Variants in MSH3 observed in about 807,000 individuals in gnomAD.
MSH3 encodes the protein mutS homolog 3.
A neutral mutation model predicts 123.3 loss-of-function variants in MSH3; 106 were observed. That is an observed-to-expected ratio of 0.86 (90% confidence interval 0.73 to 1.01). MSH3 has a LOEUF of 1.01. Ranked by LOEUF, MSH3 falls within the 50% of genes least tolerant of loss-of-function variation. The pLI is 0.00. For missense variants in MSH3, 1,459 were observed against 1,347.6 expected, an observed-to-expected ratio of 1.08 and a Z score of -1.29; for synonymous variants, 515 against 481.4, an observed-to-expected ratio of 1.07 and a Z score of -0.91.
At chr5:80,693,699 C>T (rs1338197910) in intron 8 of MSH3, among the ~76,000 whole-genome samples, 1 of 151,580 alleles carries the variant, frequency 6.6e-6, no homozygotes, top group Non-Finnish European at 1.5e-5. Context: ...ACTCTGTCAC[C>T]CAGGCTGGAG....
chr5:80,872,295 AC>A (rs1342844498), intron 22 of MSH3, among the ~76,000 whole-genome samples: 1 of 150,504 alleles, frequency 6.6e-6, no homozygotes, highest in Non-Finnish European at 1.5e-5. Context: ...CATGGCCAAA[AC>A]CCCATCTCTA....
At chr5:80,757,327 A>G (rs767698414) in intron 12 of MSH3, among the ~76,000 whole-genome samples, 55 of 152,148 alleles carry the variant, frequency 3.6e-4, no homozygotes, top group Non-Finnish European at 1.2e-4. Flanking sequence ...ATCTTATTCA[A>G]TATATCTAAC....
chr5:80,701,381 T>G (rs1203944503), intron 8 of MSH3, among the ~76,000 whole-genome samples: 1 of 152,138 alleles, frequency 6.6e-6, no homozygotes, highest in Non-Finnish European at 1.5e-5. Context: ...GAACCTCTCT[T>G]GAAGTTACAG....
intron 1 of MSH3, chr5:80,655,423 G>A (rs980554894): frequency 1.3e-5 from 3 of 222,306 alleles, no homozygotes; most frequent in South Asian, 3.6e-4. Context: ...AAATCACTAC[G>A]GTTAAAAGCA....
intron 8 of MSH3, among the ~76,000 whole-genome samples, chr5:80,709,502 G>A (rs1349920845): frequency 6.6e-6 from 1 of 151,884 alleles, no homozygotes; most frequent in African/African-American, 2.4e-5. Context: ...GGTGCCTGTA[G>A]TCCCAGCTAC....
Position 80,824,372 on chromosome 5 carries a change from C to T in MSH3, c.2813+10631C>T, listed in dbSNP as rs1055391922. 7.3e-5 allele frequency among the ~76,000 whole-genome samples: 11 copies of T among 150,294 alleles called. No individual in the cohort carries two copies. The East Asian group carries it at 1.8e-3, about 24-fold the overall frequency. ...GCGGCTGGCCGGGTGGGGGCTGCCCCCCACCTCCCTCCAGGACGGGGGCTG... is the reference window on the plus strand; with the variant it reads ...GCGGCTGGCCGGGTGGGGGCTGCCCTCCACCTCCCTCCAGGACGGGGGCTG... On this transcript the variant is annotated intron_variant, in intron 20 of 23. Transcript: ENST00000265081.
At chr5:80,796,279 A>G (rs1278078567) in intron 19 of MSH3, among the ~76,000 whole-genome samples, 2 of 152,124 alleles carry the variant, frequency 1.3e-5, no homozygotes, top group African/African-American at 4.8e-5. Flanking sequence ...AAGAACTAAA[A>G]TAGCCTTCTG....
intron 21 of MSH3, among the ~76,000 whole-genome samples, chr5:80,857,594 T>C (rs980000251): frequency 6.6e-6 from 1 of 152,226 alleles, no homozygotes; most frequent in Non-Finnish European, 1.5e-5. Context: ...CTGTTTTTTT[T>C]CTTGTGTGAG....
At chr5:80,699,266 G>C (rs1057081747) in intron 8 of MSH3, among the ~76,000 whole-genome samples, 1 of 152,026 alleles carries the variant, frequency 6.6e-6, no homozygotes, top group East Asian at 1.9e-4. Context: ...AACATAGAAG[G>C]GTTGTTGTAA....
intron 15 of MSH3, among the ~76,000 whole-genome samples, chr5:80,770,185 A>G (rs1237134821): frequency 9.2e-5 from 14 of 152,112 alleles, no homozygotes; most frequent in Admixed American, 9.2e-4. Context: ...TATTCTGGCT[A>G]TTGGTTTAAA....
chr5:80,785,272 C>T (rs6151829), intron 17 of MSH3, among the ~76,000 whole-genome samples: 324 of 152,304 alleles, frequency 2.1e-3, no homozygotes, highest in African/African-American at 7.4e-3. Flanking sequence ...ATCTGAGCTA[C>T]ACTATTTTTT....
chr5:80,870,688 G>A (rs1202415076), intron 22 of MSH3, among the ~76,000 whole-genome samples: 1 of 152,190 alleles, frequency 6.6e-6, no homozygotes, highest in Non-Finnish European at 1.5e-5. Flanking sequence ...CCCTTGGAAA[G>A]CTCTTATCTG....
At chr5:80,865,955 A>G (rs540551031) in intron 22 of MSH3, among the ~76,000 whole-genome samples, 15 of 152,340 alleles carry the variant, frequency 9.8e-5, no homozygotes, top group African/African-American at 3.4e-4. Flanking sequence ...TTTTGTATCT[A>G]TTAATCTGCA....
At chr5:80,857,070 C>A (rs1745932552) in intron 21 of MSH3, among the ~76,000 whole-genome samples, 1 of 152,136 alleles carries the variant, frequency 6.6e-6, no homozygotes, top group Admixed American at 6.5e-5. Context: ...TGAGGAAGTT[C>A]TCCTCTATTC....
chr5:80,724,518 G>A (rs1743223037), intron 8 of MSH3, among the ~76,000 whole-genome samples: 1 of 151,932 alleles, frequency 6.6e-6, no homozygotes, highest in South Asian at 2.1e-4. Flanking sequence ...AAGAGAAGGA[G>A]GACAGAATAG....
chr5:80,828,619 C>A (rs1745361961), intron 20 of MSH3, among the ~76,000 whole-genome samples: 1 of 152,166 alleles, frequency 6.6e-6, no homozygotes, highest in African/African-American at 2.4e-5. Context: ...AAATTTCTTA[C>A]AGCTGTGAGC....
At chr5:80,692,323 TTTAGA>T (rs1356206185) in intron 8 of MSH3, among the ~76,000 whole-genome samples, 1 of 74,054 alleles carries the variant, frequency 1.4e-5, no homozygotes, top group Admixed American at 1.4e-4. Flanking sequence ...CATGTATATG[TTTAGA>T]TAGATAGATA....
chr5:80,655,143 G>A lies in MSH3; in HGVS notation c.237+179G>A, dbSNP rs544008914. 6.2e-5 allele frequency: 31 copies of A among 503,278 alleles called. No individual in the cohort carries two copies. The East Asian group carries it at 1.1e-3, about 17-fold the overall frequency. 31.2% of individuals were successfully genotyped at this position (503,278 alleles called of 1,614,324 possible). A position where few individuals can be genotyped will look rare whatever the true frequency, so the allele number is the denominator to read the frequency against. On this transcript the variant is annotated intron_variant, in intron 1 of 23. Transcript: ENST00000265081. ...GGCTACAAATTGGGTGAAGCGCTGA[G>A]GTTTTAGTACTTCCGTTTGAGGAGA...
chr5:80,858,866 C>T (rs2112111812), intron 21 of MSH3, among the ~76,000 whole-genome samples: 1 of 152,128 alleles, frequency 6.6e-6, no homozygotes, highest in South Asian at 2.1e-4. Flanking sequence ...CAGCTTTTGC[C>T]TCATGTAGTT....
Sources: allele counts gnomAD v4.1 joint callset (sites outside exome capture counted in the v4.1 genomes callset), GRCh38; gene constraint gnomAD v4.1.1; transcripts MANE v1.5; gene names NCBI Gene and HGNC (gene_info 2026-07-23, HGNC 2026-07-21).